Variants in MRPL11 observed in about 807,000 individuals in gnomAD.
MRPL11 encodes mitochondrial ribosomal protein L11, also known as large ribosomal subunit protein uL11m.
MRPL11 carries 21 observed loss-of-function variants against 19.1 expected under a neutral mutation model. The ratio of observed to expected loss-of-function variants is 1.10; its 90% confidence interval spans 0.78 to 1.58. The LOEUF is 1.58. MRPL11 is among the 40% of genes most tolerant of loss of function. MRPL11 has a pLI of 0.00. For synonymous variants in MRPL11, 108 were observed against 99.7 expected, an observed-to-expected ratio of 1.08 and a Z score of -0.49; for missense variants, 242 against 243.9, an observed-to-expected ratio of 0.99 and a Z score of 0.05.
At chr11:66,436,150 G>C in intron 4 of MRPL11, 38 bp from the exon 5 acceptor site, 1 of 1,561,464 alleles carries the variant, frequency 6.4e-7, no homozygotes, top group Non-Finnish European at 8.8e-7. Flanking sequence ...GCGCATGATT[G>C]GTCACCAGTG....
At position 66,438,783 on chromosome 11, in the gene MRPL11, T is replaced by C. The variant is rs757762091; in HGVS notation, c.-29A>G. 2 of 1,490,346 alleles carry C rather than the reference T, an allele frequency of 1.3e-6. No individual in the cohort carries two copies. The highest frequency in any genetic ancestry group is 1.8e-4 in the Middle Eastern group (1 of 5,572). 92.3% of individuals were successfully genotyped at this position (1,490,346 alleles called of 1,614,324 possible). ...GCGGGGCTGCTGGCTTCAGTTCACC[T>C]CAGGGGAGCAGCAAGAGCGAAGCTC... On this transcript the variant is annotated 5_prime_UTR_variant, in exon 1 of 5. An upstream open reading frame in the 5' UTR loses its in-frame stop. Transcript: ENST00000310999.
intron 1 of MRPL11, among the ~76,000 whole-genome samples, 178 bp downstream of exon 1, chr11:66,438,454 G>C (rs776127600): frequency 3.2e-4 from 49 of 152,224 alleles, no homozygotes; most frequent in Non-Finnish European, 6.0e-4. Flanking sequence ...TTGAAGAAGG[G>C]ATGAGGAAGC....
Position 66,437,443 on chromosome 11 carries a change from G to C in MRPL11, c.220C>G (p.Pro74Ala). The C allele has an allele frequency of 1.2e-6, 2 of 1,613,882 alleles. No individual in the cohort carries two copies. Among genetic ancestry groups the C allele is most frequent in the East Asian group, 2.2e-5 (1 of 44,880 alleles). The change falls in exon 3 of 5, where the codon CCT becomes GCT. Residue 74 changes from proline to alanine, a missense_variant and splice_region_variant. Physicochemically the swap from Pro to Ala is conservative, Grantham distance 27 (BLOSUM62 -1). Coordinates refer to ENST00000310999, the MANE Select transcript of MRPL11 (RefSeq NM_016050.5). ...IPLPTKILVK[P>A]DRTFEIKIGQ... The stretch of plus-strand genomic sequence containing the variant: ...ATCTTAATTTCAAATGTCCTGTCAG[G>C]CTTAACAGAAAAAAGAAATATGAGA...
chr11:66,438,545 G>A (rs1486093373), intron 1 of MRPL11, 87 bp downstream of exon 1: 3 of 1,466,878 alleles, frequency 2.0e-6, no homozygotes, highest in Non-Finnish European at 2.7e-6. Context: ...CGAGGCCCGG[G>A]TGGTTCCAGG....
intron 4 of MRPL11, 174 bp downstream of exon 4, chr11:66,436,930 A>G: frequency 6.2e-7 from 1 of 1,605,296 alleles, no homozygotes; most frequent in South Asian, 1.1e-5. Flanking sequence ...ACAGGTGCCC[A>G]ATAAGAGTAT....
rs1857047018 is a variant in MRPL11 at position 66,438,811 on chromosome 11, G to A, written c.-57C>T. 9 of 1,409,734 alleles carry A rather than the reference G, an allele frequency of 6.4e-6. No homozygotes were observed. Among genetic ancestry groups the A allele is most frequent in the African/African-American group, 1.5e-5 (1 of 67,662 alleles). 87.3% of individuals were successfully genotyped at this position (1,409,734 alleles called of 1,614,324 possible). A position where few individuals can be genotyped will look rare whatever the true frequency, so the allele number is the denominator to read the frequency against. On this transcript the variant is annotated 5_prime_UTR_variant, in exon 1 of 5. Transcript: ENST00000310999. ...GGGGAGCAGCAAGAGCGAAGCTCTG[G>A]GCGCCACCATCTTGGGCCAGAGGTC... is the stretch of plus-strand genomic sequence containing the variant.
In MRPL11 at chr11:66,437,449, C is replaced by A; in HGVS notation, c.220-6G>T. Reference sequence around the variant, plus strand: ...ATTTCAAATGTCCTGTCAGGCTTAACAGAAAAAAGAAATATGAGATTCTCT... The same window carrying A: ...ATTTCAAATGTCCTGTCAGGCTTAAAAGAAAAAAGAAATATGAGATTCTCT... On this transcript the variant is annotated splice_region_variant and splice_polypyrimidine_tract_variant and intron_variant, in intron 2 of 4. Coordinates refer to ENST00000310999, the MANE Select transcript of MRPL11 (RefSeq NM_016050.5). 6.2e-7 allele frequency: 1 copy of A among 1,613,692 alleles called. No homozygotes were observed. The highest frequency in any genetic ancestry group is 2.2e-5 in the East Asian group (1 of 44,886).
chr11:66,437,554 A>G (rs1267832116), intron 2 of MRPL11, 111 bp from the exon 3 acceptor site: 1 of 945,326 alleles, frequency 1.1e-6, no homozygotes, highest in Non-Finnish European at 1.6e-6. Flanking sequence ...GGCATCCCTC[A>G]AAAAGACCAC....
At chr11:66,436,831 C>T in intron 4 of MRPL11, 4 of 1,613,930 alleles carry the variant, frequency 2.5e-6, no homozygotes, top group Non-Finnish European at 2.5e-6. Context: ...GGACGACAGA[C>T]CCAGGTCACA....
chr11:66,438,624 G>C lies in MRPL11; in HGVS notation c.123+8C>G. On this transcript the variant is annotated splice_region_variant and intron_variant, in intron 1 of 4. Transcript: ENST00000310999. ...AACCCCCACGTCGGGTTCCCGCCAC[G>C]GCCGCACCTGACCCAGCACTGGGCC... 6.7e-7 allele frequency: 1 copy of C among 1,502,518 alleles called. No homozygotes were observed. 93.1% of individuals were successfully genotyped at this position (1,502,518 alleles called of 1,614,324 possible). A position where few individuals can be genotyped will look rare whatever the true frequency, so the allele number is the denominator to read the frequency against.
At position 66,438,741 on chromosome 11, in the gene MRPL11, C is replaced by T; in HGVS notation, c.14G>A (p.Gly5Asp). ...CTTCCTGAGGCCCCGGGCGGCCCGG[C>T]CGAGCTTTGACATGATGCGGGGCTG... MSKL[G>D]RAARGLRKPE... The change falls in exon 1 of 5, where the codon GGC becomes GAC. Residue 5 changes from glycine (G) to aspartate (D), a missense_variant. Transcript: ENST00000310999. The T allele has an allele frequency of 6.4e-7, 1 of 1,568,428 alleles. No individual in the cohort carries two copies. The highest frequency in any genetic ancestry group is 8.6e-7 in the Non-Finnish European group (1 of 1,157,114).
rs200312881 is a variant in MRPL11 at position 66,436,793 on chromosome 11, C to T, written c.473+311G>A. 3,980 of 1,577,748 alleles carry T rather than the reference C, an allele frequency of 2.5e-3. 15 individuals carry two copies. Among genetic ancestry groups the T allele is most frequent in the Non-Finnish European group, 3.2e-3 (3,634 of 1,147,424 alleles). On this transcript the variant is annotated intron_variant, in intron 4 of 4. Transcript: ENST00000310999. ...TCAAAAGTCCTTCGCACTGGTCCTT[C>T]CCTCATACCATTCTCCACTTGCCTC... is the stretch of plus-strand genomic sequence containing the variant.
chr11:66,437,743 G>A (rs1482033601), intron 2 of MRPL11, among the ~76,000 whole-genome samples: 4 of 152,150 alleles, frequency 2.6e-5, no homozygotes, highest in South Asian at 2.1e-4. Flanking sequence ...GCGTGGTGGC[G>A]GGCGCCTGTA....
Position 66,437,229 on chromosome 11 carries a change from A to G in MRPL11, c.348T>C (p.His116=), listed in dbSNP as rs751783930. 59 of 1,614,140 alleles carry G rather than the reference A, an allele frequency of 3.7e-5. 1 individual carries two copies. In the South Asian group the frequency reaches 6.5e-4, roughly 18 times the overall value. ...CTTTGATGCGGGCAATCTCATACAC[A>G]TGCTTCAAGGTCACCAGGCCTGCCA... ...KEVAGLVTLK[H]VYEIARIKAQ... Residue 116 remains histidine, a synonymous_variant, in exon 4 of 5, where the codon CAT becomes CAC. Transcript: ENST00000310999.
Position 66,437,351 on chromosome 11 carries a change from T to C in MRPL11, c.312A>G (p.Thr104=), listed in dbSNP as rs756227338. The change falls in exon 3 of 5, where the codon ACA becomes ACG. Residue 104 remains threonine, a splice_region_variant and synonymous_variant. Transcript: ENST00000310999. ...TCAGATGCTTACCCTGGCCCTCACC[T>C]GTTTGCCGGGCCCCCTTTTCAATCC... is the stretch of plus-strand genomic sequence containing the variant. ...AAGIEKGARQ[T]GKEVAGLVTL... 1 of 1,614,186 alleles carries C rather than the reference T, an allele frequency of 6.2e-7. No individual in the cohort carries two copies. Among genetic ancestry groups the C allele is most frequent in the South Asian group, 1.1e-5 (1 of 91,084 alleles).
At position 66,437,361 on chromosome 11, in the gene MRPL11, G is replaced by A; in HGVS notation, c.302C>T (p.Ala101Val). The change falls in exon 3 of 5, where the codon GCC becomes GTC. Residue 101 changes from alanine (A) to valine (V), a missense_variant. Transcript: ENST00000310999. ...ACCCTGGCCCTCACCTGTTTGCCGGGCCCCCTTTTCAATCCCAGCTGCTGC... is the reference window on the plus strand; with the variant it reads ...ACCCTGGCCCTCACCTGTTTGCCGGACCCCCTTTTCAATCCCAGCTGCTGC... ...LKAAAGIEKG[A>V]RQTGKEVAGL... 2 of 1,614,138 alleles carry A rather than the reference G, an allele frequency of 1.2e-6. No homozygotes were observed. Among genetic ancestry groups the A allele is most frequent in the Non-Finnish European group, 8.5e-7 (1 of 1,180,036 alleles).
chr11:66,437,246 G>A lies in MRPL11; in HGVS notation c.331C>T (p.Leu111=). ...TCATACACATGCTTCAAGGTCACCAGGCCTGCCACCTCTTTCCCTGGGAGG... is the reference window on the plus strand; with the variant it reads ...TCATACACATGCTTCAAGGTCACCAAGCCTGCCACCTCTTTCCCTGGGAGG... ...ARQTGKEVAG[L]VTLKHVYEIA... is the part of the protein sequence containing the mutation. Residue 111 remains leucine (L), a synonymous_variant, in exon 4 of 5, where the codon CTG becomes TTG. Coordinates refer to ENST00000310999, the MANE Select transcript of MRPL11 (RefSeq NM_016050.5). The A allele has an allele frequency of 6.2e-7, 1 of 1,614,104 alleles. No individual in the cohort carries two copies. The highest frequency in any genetic ancestry group is 8.5e-7 in the Non-Finnish European group (1 of 1,179,980).
chr11:66,436,829 G>C (rs1411831111), intron 4 of MRPL11: 1 of 1,613,862 alleles, frequency 6.2e-7, no homozygotes, highest in Admixed American at 1.7e-5. Context: ...TAGGACGACA[G>C]ACCCAGGTCA....
chr11:66,436,052 C>T lies in MRPL11; in HGVS notation c.534G>A (p.Gln178=). Reference sequence around the variant, plus strand: ...CTTGGGCAGCCAAATCTGCCTCCTTCTGAGCAGCCAGGAAGATGGCTCGTT... The same window carrying T: ...CTTGGGCAGCCAAATCTGCCTCCTTTTGAGCAGCCAGGAAGATGGCTCGTT... ...QKERAIFLAA[Q]KEADLAAQEE... The change falls in exon 5 of 5, where the codon CAG becomes CAA. Residue 178 remains glutamine, a synonymous_variant. Transcript: ENST00000310999. The T allele has an allele frequency of 6.2e-7, 1 of 1,614,084 alleles. No individual in the cohort carries two copies. Among genetic ancestry groups the T allele is most frequent in the Non-Finnish European group, 8.5e-7 (1 of 1,179,994 alleles).
Sources: gnomAD v4.1 joint callset for allele counts (sites outside exome capture counted in the v4.1 genomes callset) on GRCh38, gnomAD v4.1.1 for gene constraint, MANE v1.5 for transcripts, NCBI Gene and HGNC (gene_info 2026-07-23, HGNC 2026-07-21) for gene names.